Variants in TANC1 observed in about 807,000 individuals in gnomAD.
TANC1 encodes the protein tetratricopeptide repeat, ankyrin repeat and coiled-coil containing 1.
TANC1 carries 77 observed loss-of-function variants against 149.7 expected under a neutral mutation model. The ratio of observed to expected loss-of-function variants is 0.51; its 90% CI spans 0.43 to 0.62. The LOEUF is 0.62. Among genes scored for constraint, TANC1 ranks in the 20% least tolerant of loss-of-function variants. TANC1 has a pLI of 0.00. For synonymous variants in TANC1, 854 were observed against 925.0 expected (o/e 0.92, Z 1.39); for missense variants, 1,985 against 2,321.8 (o/e 0.85, Z 2.98).
intron 19 of TANC1, among the ~76,000 whole-genome samples, chr2:159,215,659 A>C (rs2059294284): frequency 6.6e-6 from 1 of 152,190 alleles, no homozygotes; most frequent in Admixed American, 6.5e-5. Context: ...GCAGGAGACA[A>C]ACCAGGTCCC....
chr2:159,023,346 T>G (rs1052580859), intron 2 of TANC1, among the ~76,000 whole-genome samples: 1 of 151,894 alleles, frequency 6.6e-6, no homozygotes, highest in East Asian at 1.9e-4. Flanking sequence ...ATGGCCTTTT[T>G]TTTTCTTTTT....
At chr2:159,220,909 T>C (rs554798065) in intron 22 of TANC1, among the ~76,000 whole-genome samples, 1 of 152,312 alleles carries the variant, frequency 6.6e-6, no homozygotes, top group East Asian at 1.9e-4. Flanking sequence ...TGACAAATGA[T>C]TGTGTATATT....
chr2:159,177,829 G>C (rs761801668), intron 13 of TANC1, among the ~76,000 whole-genome samples: 5 of 152,190 alleles, frequency 3.3e-5, no homozygotes, highest in African/African-American at 9.7e-5. Flanking sequence ...GATGGGAAGG[G>C]CACATGAGGC....
At chr2:159,075,448 T>G (rs1180817385) in intron 3 of TANC1, among the ~76,000 whole-genome samples, 1 of 150,158 alleles carries the variant, frequency 6.7e-6, no homozygotes, top group African/African-American at 2.4e-5. Context: ...TTGTGGAACA[T>G]GCCTATAGTC....
chr2:159,185,913 C>A lies in TANC1; in HGVS notation c.2619+14C>A, dbSNP rs974280908. ...CACATTTTCAAGGTGAGATGCACAC[C>A]AACTTGGGGAAGGGTTTCTTTGTTG... On this transcript the variant is annotated intron_variant, in intron 15 of 26. Coordinates refer to ENST00000263635, the MANE Select transcript of TANC1 (RefSeq NM_033394.3). 2.2e-5 allele frequency: 35 copies of A among 1,566,382 alleles called. No individual in the cohort carries two copies. Among genetic ancestry groups the A allele is most frequent in the Non-Finnish European group, 2.9e-5 (33 of 1,136,864 alleles).
chr2:158,991,091 C>CAAAAAA (rs34411224), intron 1 of TANC1, among the ~76,000 whole-genome samples: 1 of 70,166 alleles, frequency 1.4e-5, no homozygotes, highest in African/African-American at 5.9e-5. Context: ...GATCCTGTGT[C>CAAAAAA]AAAAAAAAAA....
intron 1 of TANC1, among the ~76,000 whole-genome samples, chr2:158,994,849 A>G (rs1376716929): frequency 6.6e-6 from 1 of 152,242 alleles, no homozygotes. Flanking sequence ...TTATCTCACA[A>G]AATAACTACT....
intron 7 of TANC1, among the ~76,000 whole-genome samples, chr2:159,152,791 T>C (rs1323400572): frequency 6.6e-6 from 1 of 152,238 alleles, no homozygotes; most frequent in Non-Finnish European, 1.5e-5. Context: ...GCCCAAACTT[T>C]TAATAACTGA....
At chr2:159,020,320 G>A (rs1335646686) in intron 2 of TANC1, among the ~76,000 whole-genome samples, 3 of 152,022 alleles carry the variant, frequency 2.0e-5, no homozygotes, top group Non-Finnish European at 4.4e-5. Flanking sequence ...CGCCTTGTTG[G>A]CCAGGCTGGT....
rs548145241 is a variant in TANC1, at chr2:159,042,226, C to T, written c.-15-23670C>T. Among the ~76,000 whole-genome samples the T allele has an allele frequency of 2.6e-5, 4 of 152,314 alleles. No homozygotes were observed. In the East Asian group the frequency reaches 7.7e-4, roughly 29 times the overall value. On this transcript the variant is annotated intron_variant, in intron 2 of 26. Transcript: ENST00000263635. The stretch of plus-strand genomic sequence containing the variant: ...TCCACCCAGCCTCGGCACGCACAAA[C>T]CTGTTAGCACCCTGGTGCCCTGCCA...
chr2:159,025,193 C>CTT (rs1553519922), intron 2 of TANC1, among the ~76,000 whole-genome samples: 1 of 116,810 alleles, frequency 8.6e-6, no homozygotes, highest in African/African-American at 3.9e-5. Context: ...TCTTTCTTTT[C>CTT]TTTCTTTCTT....
chr2:159,082,026 G>C (rs984813221), intron 3 of TANC1, among the ~76,000 whole-genome samples: 1 of 152,252 alleles, frequency 6.6e-6, no homozygotes, highest in Non-Finnish European at 1.5e-5. Context: ...GAGCCCACCT[G>C]CTGCCCAGCC....
intron 2 of TANC1, among the ~76,000 whole-genome samples, chr2:159,036,407 T>C (rs151156949): frequency 1.3e-5 from 2 of 152,320 alleles, no homozygotes; most frequent in African/African-American, 4.8e-5. Context: ...GTGTGCACAA[T>C]GTGCAGGTTT....
At chr2:159,160,119 C>A (rs1322621346) in intron 7 of TANC1, among the ~76,000 whole-genome samples, 1 of 152,126 alleles carries the variant, frequency 6.6e-6, no homozygotes, top group Non-Finnish European at 1.5e-5. Flanking sequence ...AACCTCACAG[C>A]CTTATAAAAT....
chr2:159,121,531 G>C (rs533148472), intron 4 of TANC1, among the ~76,000 whole-genome samples: 2 of 152,180 alleles, frequency 1.3e-5, no homozygotes, highest in African/African-American at 4.8e-5. Flanking sequence ...ACGGGGTTTC[G>C]CCATGTTGGC....
At chr2:159,030,770 G>T (rs1321249313) in intron 2 of TANC1, among the ~76,000 whole-genome samples, 2 of 152,174 alleles carry the variant, frequency 1.3e-5, no homozygotes, top group African/African-American at 2.4e-5. Context: ...CATGACTTGT[G>T]TTCTGGCCAG....
chr2:159,105,952 G>A (rs2047135994), intron 4 of TANC1, among the ~76,000 whole-genome samples: 2 of 149,568 alleles, frequency 1.3e-5, no homozygotes, highest in Admixed American at 6.7e-5. Flanking sequence ...TGTTTTAAGG[G>A]TATCAGTCAT....
Position 159,231,022 on chromosome 2 carries a change from A to T in TANC1, c.*10A>T. The T allele has an allele frequency of 6.3e-7, 1 of 1,577,322 alleles. No homozygotes were observed. Among genetic ancestry groups the T allele is most frequent in the Non-Finnish European group, 8.6e-7 (1 of 1,159,320 alleles). On this transcript the variant is annotated 3_prime_UTR_variant, in exon 27 of 27. Transcript: ENST00000263635. ...AGAGTCAAATGTGTGAACCTTAAGA[A>T]ATCCCCATTTGTGGAATTTGGAAAC...
At chr2:159,153,191 T>C (rs1335200091) in intron 7 of TANC1, among the ~76,000 whole-genome samples, 2 of 152,172 alleles carry the variant, frequency 1.3e-5, no homozygotes, top group African/African-American at 4.8e-5. Context: ...GAGGGAACGT[T>C]CAGTTTATAA....
Sources: gnomAD v4.1 joint callset for allele counts (sites outside exome capture counted in the v4.1 genomes callset) on GRCh38, gnomAD v4.1.1 for gene constraint, MANE v1.5 for transcripts, NCBI Gene and HGNC (gene_info 2026-07-23, HGNC 2026-07-21) for gene names.